The following NEMP2 variants were observed in gnomAD, a reference collection of about 807,000 sequenced individuals.
NEMP2 encodes the protein UPF0571 transmembrane protein.
In NEMP2, 53 loss-of-function variants were observed where a neutral mutation model predicts 54.2. The ratio of observed to expected loss-of-function variants is 0.98; its 90% CI spans 0.78 to 1.23. NEMP2 has a LOEUF of 1.23. Ranked by LOEUF, NEMP2 falls within the 50% of genes most tolerant of loss-of-function variation. The pLI is 0.00. For synonymous variants in NEMP2, 197 were observed against 190.3 expected, an observed-to-expected ratio of 1.04 and a Z score of -0.29; for missense variants, 455 against 511.3, an observed-to-expected ratio of 0.89 and a Z score of 1.06.
Position 190,530,902 on chromosome 2 carries a change from G to A in NEMP2, c.97+3657C>T, listed in dbSNP as rs117782515. Reference sequence around the variant, plus strand: ...CAACGGGCCAGGTGCTGAGGCTCATGCCTGTAATCCCAGCACTTTGGGAGG... The same window carrying A: ...CAACGGGCCAGGTGCTGAGGCTCATACCTGTAATCCCAGCACTTTGGGAGG... On this transcript the variant is annotated intron_variant, in intron 1 of 8. Coordinates refer to ENST00000409150, the MANE Select transcript of NEMP2 (RefSeq NM_001142645.2). This position sits in a 1 kb window ranked among gnomAD's most constrained non-coding sequence, Gnocchi z 4.6. Among the ~76,000 whole-genome samples, 166 of 152,310 alleles carry A rather than the reference G, an allele frequency of 1.1e-3. 2 individuals are homozygous for A. In the East Asian group the frequency reaches 0.021, roughly 19 times the overall value.
chr2:190,627,907 G>T, the NEMP2 span: 1 of 152,204 alleles, frequency 6.6e-6, no homozygotes, highest in African/African-American at 2.4e-5. This position sits in a 1 kb window ranked among gnomAD's most constrained non-coding sequence, Gnocchi z 4.4. Flanking sequence ...AAGCTAATAA[G>T]CTGAGCGCAA....
the NEMP2 span, among the ~76,000 whole-genome samples, chr2:190,434,190 A>AG: frequency 3.3e-5 from 5 of 151,446 alleles, no homozygotes; most frequent in Admixed American, 1.3e-4. The surrounding 1 kb of genome is among the most constrained non-coding windows in gnomAD (Gnocchi z 4.3). Context: ...CTCAAAAAAA[A>AG]AAAAAGAAAA....
At chr2:190,472,203 G>A in the NEMP2 span, among the ~76,000 whole-genome samples, 133,905 of 152,266 alleles carry the variant, frequency 0.88, 59,692 homozygotes, top group East Asian at 1. Flanking sequence ...CCAAAGAAAC[G>A]CAGCTCCTCA....
downstream of NEMP2, chr2:190,499,738 T>C: frequency 6.2e-6 from 8 of 1,295,566 alleles, no homozygotes; most frequent in East Asian, 3.9e-5. This position sits in a 1 kb window ranked among gnomAD's most constrained non-coding sequence, Gnocchi z 6.0. Context: ...GTAAACTGTT[T>C]ACCAAGTACT....
At chr2:190,556,813 A>C in the NEMP2 span, among the ~76,000 whole-genome samples, 1 of 152,238 alleles carries the variant, frequency 6.6e-6, no homozygotes, top group Non-Finnish European at 1.5e-5. Flanking sequence ...CCACTGCTCA[A>C]GGAAATAAGA....
the NEMP2 span, chr2:190,443,115 C>G: frequency 6.6e-6 from 1 of 152,080 alleles, no homozygotes; most frequent in Non-Finnish European, 1.5e-5. This position sits in a 1 kb window ranked among gnomAD's most constrained non-coding sequence, Gnocchi z 4.2. Flanking sequence ...TTTCTGAGCA[C>G]CCCCCAATAT....
chr2:190,558,331 G>T, the NEMP2 span, among the ~76,000 whole-genome samples: 3 of 152,184 alleles, frequency 2.0e-5, no homozygotes, highest in Non-Finnish European at 2.9e-5. This position sits in a 1 kb window ranked among gnomAD's most constrained non-coding sequence, Gnocchi z 4.4. Flanking sequence ...TGGGGTTAGG[G>T]GCTAGGGGAG....
In NEMP2 at chr2:190,514,331, A is replaced by G. The variant is rs954134309; in HGVS notation, c.953+122T>C. 3.1e-6 allele frequency: 3 copies of G among 981,902 alleles called. No homozygotes were observed. In the African/African-American group the frequency reaches 4.8e-5, roughly 16 times the overall value. The allele number at this position is 981,902 out of a possible 1,614,324, so 60.8% of individuals were successfully genotyped here. On this transcript the variant is annotated intron_variant, in intron 7 of 8. Coordinates refer to ENST00000409150, the MANE Select transcript of NEMP2 (RefSeq NM_001142645.2). This position sits in a 1 kb window ranked among gnomAD's most constrained non-coding sequence, Gnocchi z 5.7. ...TACCCCTACACCCCCAATCTTGCTC[A>G]GAATGAAATCTCCAGATCAAATGTA...
chr2:190,524,683 T>C (rs1690870324), intron 2 of NEMP2, among the ~76,000 whole-genome samples: 1 of 152,234 alleles, frequency 6.6e-6, no homozygotes, highest in African/African-American at 2.4e-5. Context: ...CTTACTAGTT[T>C]TACCATTTTC....
chr2:190,424,410 A>C, the NEMP2 span, among the ~76,000 whole-genome samples: 1 of 151,724 alleles, frequency 6.6e-6, no homozygotes, highest in Non-Finnish European at 1.5e-5. The surrounding 1 kb of genome is among the most constrained non-coding windows in gnomAD (Gnocchi z 5.9). Flanking sequence ...GTCTCGGCTC[A>C]CTGCAACCTC....
the NEMP2 span, chr2:190,608,502 G>C: frequency 6.6e-6 from 1 of 152,154 alleles, no homozygotes; most frequent in African/African-American, 2.4e-5. The surrounding 1 kb of genome is among the most constrained non-coding windows in gnomAD (Gnocchi z 4.9). Context: ...AGATGAAAAA[G>C]GCATTCAGTT....
chr2:190,545,143 A>G, the NEMP2 span, among the ~76,000 whole-genome samples: 20 of 148,926 alleles, frequency 1.3e-4, no homozygotes, highest in African/African-American at 4.7e-4. Flanking sequence ...AGAAAAAAAA[A>G]GATTTATTTT....
the NEMP2 span, among the ~76,000 whole-genome samples, chr2:190,614,729 C>T: frequency 0.54 from 81,442 of 152,064 alleles, 22,295 homozygotes; most frequent in East Asian, 0.7. This position sits in a 1 kb window ranked among gnomAD's most constrained non-coding sequence, Gnocchi z 5.7. Context: ...AGAGTCAAAA[C>T]CAACTCAAAA....
rs1690882269 is a variant in NEMP2, at chr2:190,525,021, G to T, written c.213+242C>A. ...ACAGCAGGCATGCTGTATACATTTAGATAGTATATTCATTGGGAGTGGCTT... is the reference window on the plus strand; with the variant it reads ...ACAGCAGGCATGCTGTATACATTTATATAGTATATTCATTGGGAGTGGCTT... On this transcript the variant is annotated intron_variant, in intron 2 of 8. Coordinates refer to ENST00000409150, the MANE Select transcript of NEMP2 (RefSeq NM_001142645.2). This position sits in a 1 kb window ranked among gnomAD's most constrained non-coding sequence, Gnocchi z 5.0. 6.6e-6 allele frequency among the ~76,000 whole-genome samples: 1 copy of T among 152,206 alleles called. No individual in the cohort carries two copies. Among genetic ancestry groups the T allele is most frequent in the Non-Finnish European group, 1.5e-5 (1 of 68,030 alleles).
chr2:190,457,168 A>G, the NEMP2 span, among the ~76,000 whole-genome samples: 2 of 152,110 alleles, frequency 1.3e-5, no homozygotes, highest in African/African-American at 4.8e-5. The surrounding 1 kb of genome is among the most constrained non-coding windows in gnomAD (Gnocchi z 5.1). Flanking sequence ...AAAATAGCAC[A>G]TTGCTATTAC....
chr2:190,516,871 G>A (rs1380439640), intron 5 of NEMP2, among the ~76,000 whole-genome samples: 5 of 152,044 alleles, frequency 3.3e-5, no homozygotes, highest in Non-Finnish European at 7.4e-5. Flanking sequence ...CAGGCAGATC[G>A]CTGGAGCTCA....
the NEMP2 span, among the ~76,000 whole-genome samples, chr2:190,424,623 T>C: frequency 6.6e-6 from 1 of 152,210 alleles, no homozygotes; most frequent in Non-Finnish European, 1.5e-5. This position sits in a 1 kb window ranked among gnomAD's most constrained non-coding sequence, Gnocchi z 5.9. Context: ...CGTGAGCCAC[T>C]GCGCCTGGCC....
chr2:190,458,606 G>C, the NEMP2 span, among the ~76,000 whole-genome samples: 1 of 152,162 alleles, frequency 6.6e-6, no homozygotes, highest in Non-Finnish European at 1.5e-5. The surrounding 1 kb of genome is among the most constrained non-coding windows in gnomAD (Gnocchi z 5.3). Flanking sequence ...TTCCCCCCGA[G>C]TGCTTGACAG....
the NEMP2 span, among the ~76,000 whole-genome samples, chr2:190,424,046 G>C: frequency 2.6e-5 from 4 of 152,110 alleles, no homozygotes; most frequent in Non-Finnish European, 5.9e-5. This position sits in a 1 kb window ranked among gnomAD's most constrained non-coding sequence, Gnocchi z 5.9. Flanking sequence ...TCCTTCGCTG[G>C]ATTTGTGGTT....
Sources: gnomAD v4.1 joint callset for allele counts (sites outside exome capture counted in the v4.1 genomes callset) on GRCh38, gnomAD v4.1.1 for gene constraint, Gnocchi (gnomAD v3.1) non-coding constraint, MANE v1.5 for transcripts, NCBI Gene and HGNC (gene_info 2026-07-23, HGNC 2026-07-21) for gene names.